The following CDK8 variants were observed in gnomAD, a reference collection of about 807,000 sequenced individuals.
CDK8 encodes the protein cyclin-dependent kinase 8.
CDK8 carries 29 observed loss-of-function variants against 71.5 expected under a neutral mutation model. The observed-to-expected ratio is 0.41, with a 90% CI of 0.30 to 0.55. The LOEUF is 0.55. Among genes scored for constraint, CDK8 ranks in the 20% least tolerant of loss-of-function variants. The probability of loss-of-function intolerance (pLI) is 0.37; values close to 1 mark genes in which losing one functional copy is unlikely to be tolerated. For missense variants in CDK8, 288 were observed against 572.6 expected (o/e 0.50, Z 5.07); for synonymous variants, 161 against 192.1 (o/e 0.84, Z 1.34).
chr13:26,286,365 T>TA (rs1370167437), intron 1 of CDK8, among the ~76,000 whole-genome samples: 4 of 152,156 alleles, frequency 2.6e-5, no homozygotes, highest in African/African-American at 9.7e-5. Context: ...GCCAAATACT[T>TA]ACAGCCAACT....
rs144385794 is a variant in CDK8, at chr13:26,390,060, C to G, written c.647-3307C>G. On this transcript the variant is annotated intron_variant, in intron 6 of 12. Transcript: ENST00000381527. ...ACAAAATGGAACCTTTTCTTTAATACCAGCCTCTACCACACAATCCCATTC... is the reference window on the plus strand; with the variant it reads ...ACAAAATGGAACCTTTTCTTTAATAGCAGCCTCTACCACACAATCCCATTC... 4.3e-4 allele frequency among the ~76,000 whole-genome samples: 66 copies of G among 152,156 alleles called. No individual in the cohort carries two copies. The East Asian group carries it at 9.7e-3, about 22-fold the overall frequency.
intron 1 of CDK8, among the ~76,000 whole-genome samples, chr13:26,327,471 A>C (rs1352156225): frequency 6.6e-6 from 1 of 152,182 alleles, no homozygotes; most frequent in Non-Finnish European, 1.5e-5. Flanking sequence ...GTTTTAAATG[A>C]TACAATTGTT....
At chr13:26,344,255 C>T (rs1593277073) in intron 2 of CDK8, among the ~76,000 whole-genome samples, 2 of 152,126 alleles carry the variant, frequency 1.3e-5, no homozygotes, top group East Asian at 1.9e-4. Context: ...TATATCATTC[C>T]GTGGTGTATA....
intron 1 of CDK8, among the ~76,000 whole-genome samples, chr13:26,314,148 G>A (rs536923275): frequency 2.8e-4 from 43 of 152,278 alleles, no homozygotes; most frequent in African/African-American, 9.4e-4. Flanking sequence ...CTATCATGCC[G>A]TGGATGGCCA....
At chr13:26,308,122 T>C (rs1320678389) in intron 1 of CDK8, among the ~76,000 whole-genome samples, 1 of 152,256 alleles carries the variant, frequency 6.6e-6, no homozygotes, top group Non-Finnish European at 1.5e-5. Flanking sequence ...TCTAGAATTG[T>C]GCTGTGCAGT....
intron 2 of CDK8, among the ~76,000 whole-genome samples, chr13:26,341,493 T>G (rs1415250493): frequency 6.6e-6 from 1 of 152,238 alleles, no homozygotes; most frequent in Non-Finnish European, 1.5e-5. Context: ...TTAAATATAT[T>G]GAAATAATTT....
chr13:26,264,249 G>A (rs1424167930), intron 1 of CDK8, among the ~76,000 whole-genome samples: 2 of 150,112 alleles, frequency 1.3e-5, no homozygotes, highest in Non-Finnish European at 2.9e-5. Flanking sequence ...ATTATGGTTT[G>A]CCTTTAGCTG....
intron 4 of CDK8, among the ~76,000 whole-genome samples, chr13:26,356,030 A>C (rs1873882634): frequency 6.6e-6 from 1 of 152,116 alleles, no homozygotes; most frequent in Admixed American, 6.5e-5. Context: ...CTTATGGTAA[A>C]GCTCTTCCTG....
At chr13:26,369,778 G>A (rs1205674612) in intron 4 of CDK8, among the ~76,000 whole-genome samples, 4 of 139,714 alleles carry the variant, frequency 2.9e-5, no homozygotes, top group East Asian at 2.1e-4. Flanking sequence ...GGATGGTCTC[G>A]ATCTCCTGAC....
intron 2 of CDK8, among the ~76,000 whole-genome samples, chr13:26,344,621 G>T (rs543491547): frequency 6.6e-6 from 1 of 152,244 alleles, no homozygotes; most frequent in African/African-American, 2.4e-5. Context: ...ACAAAAATTA[G>T]CTGGGTGTGG....
At chr13:26,333,366 C>T (rs560319612) in intron 1 of CDK8, among the ~76,000 whole-genome samples, 46 of 152,086 alleles carry the variant, frequency 3.0e-4, no homozygotes, top group Admixed American at 5.9e-4. Flanking sequence ...CCTTGAACTC[C>T]GGACCTCAGG....
At chr13:26,399,379 G>A (rs1371706459) in intron 9 of CDK8, among the ~76,000 whole-genome samples, 1 of 152,138 alleles carries the variant, frequency 6.6e-6, no homozygotes, top group East Asian at 1.9e-4. Flanking sequence ...CAGCAGCATG[G>A]TATCATGTAG....
At chr13:26,395,431 C>G (rs373666530) in intron 7 of CDK8, among the ~76,000 whole-genome samples, 2 of 150,058 alleles carry the variant, frequency 1.3e-5, no homozygotes, top group African/African-American at 2.5e-5. Flanking sequence ...TGGGGTGAGC[C>G]GAGATCGCAC....
chr13:26,347,921 A>C (rs940949586), intron 2 of CDK8, among the ~76,000 whole-genome samples: 2 of 152,120 alleles, frequency 1.3e-5, no homozygotes, highest in African/African-American at 4.8e-5. Context: ...TTGATCCAGG[A>C]TTTCCACTTT....
chr13:26,354,211 T>C (rs1450897277), intron 4 of CDK8, among the ~76,000 whole-genome samples: 1 of 152,196 alleles, frequency 6.6e-6, no homozygotes, highest in Non-Finnish European at 1.5e-5. Context: ...ATATTTATAA[T>C]AACTTGAAAA....
chr13:26,315,498 A>C (rs935074240), intron 1 of CDK8, among the ~76,000 whole-genome samples: 1 of 152,200 alleles, frequency 6.6e-6, no homozygotes, highest in African/African-American at 2.4e-5. Flanking sequence ...CTATTAGCTC[A>C]TGTAGCTAGG....
chr13:26,332,488 C>CATATATATATAT (rs71188722), intron 1 of CDK8, among the ~76,000 whole-genome samples: 18 of 148,310 alleles, frequency 1.2e-4, no homozygotes, highest in East Asian at 1.2e-3. Flanking sequence ...CCATATAATA[C>CATATATATATAT]ATATATATAT....
intron 1 of CDK8, among the ~76,000 whole-genome samples, chr13:26,278,053 A>T (rs1026939623): frequency 6.6e-6 from 1 of 152,222 alleles, no homozygotes; most frequent in African/African-American, 2.4e-5. Context: ...GAAAAAGGGG[A>T]ATTTGTTCTT....
chr13:26,300,768 T>C (rs1023629982), intron 1 of CDK8, among the ~76,000 whole-genome samples: 2 of 152,316 alleles, frequency 1.3e-5, no homozygotes, highest in South Asian at 2.1e-4. Flanking sequence ...TGTCCAGATA[T>C]ATTATTGATT....
Sources: allele counts gnomAD v4.1 joint callset (sites outside exome capture counted in the v4.1 genomes callset), GRCh38; gene constraint gnomAD v4.1.1; transcripts MANE v1.5; gene names NCBI Gene and HGNC (gene_info 2026-07-23, HGNC 2026-07-21).